Variants in GDA observed in about 807,000 individuals in gnomAD.
GDA encodes cytoplasmic PSD-95 interactor.
GDA carries 18 observed loss-of-function variants against 59.6 expected under a neutral mutation model. The ratio of observed to expected loss-of-function variants is 0.30; its 90% confidence interval spans 0.21 to 0.45. The LOEUF is 0.45. Among genes scored for constraint, GDA ranks in the 20% least tolerant of loss-of-function variants. The pLI is 1.00. For missense variants in GDA, 427 were observed against 552.3 expected (o/e 0.77, Z 2.27); for synonymous variants, 201 against 201.1 (o/e 1.00, Z 0.00).
At chr9:72,255,276 AG>A (rs1840858169), downstream of GDA, among the ~76,000 whole-genome samples, 1 of 152,210 alleles carries the variant, frequency 6.6e-6, no homozygotes. Flanking sequence ...TTTCTAGCAA[AG>A]GGGTAGTAAC....
intron 1 of GDA, among the ~76,000 whole-genome samples, chr9:72,125,192 C>T (rs1193858187): frequency 6.6e-6 from 1 of 152,174 alleles, no homozygotes; most frequent in Non-Finnish European, 1.5e-5. Context: ...GTGCAAACTG[C>T]AGTCTTGCCT....
At chr9:72,198,846 G>GATATACATATATATATATATATATATAT (rs1833549516) in intron 2 of GDA, among the ~76,000 whole-genome samples, 1 of 128,574 alleles carries the variant, frequency 7.8e-6, no homozygotes, top group Non-Finnish European at 1.5e-5. Context: ...TATATAGGGG[G>GATATACATATATATATATATATATATAT]ATATATATAT....
chr9:72,237,210 C>T (rs1295866426), intron 10 of GDA, among the ~76,000 whole-genome samples: 1 of 152,178 alleles, frequency 6.6e-6, no homozygotes, highest in Non-Finnish European at 1.5e-5. Context: ...TCCCTTCCTC[C>T]ACCAACTTCA....
intron 3 of GDA, among the ~76,000 whole-genome samples, chr9:72,208,693 T>C (rs1835015045): frequency 6.6e-6 from 1 of 152,194 alleles, no homozygotes; most frequent in African/African-American, 2.4e-5. Flanking sequence ...TTCAAGTCCT[T>C]CGGTACTTAA....
chr9:72,229,810 A>G (rs1838111559), intron 9 of GDA, among the ~76,000 whole-genome samples: 1 of 152,170 alleles, frequency 6.6e-6, no homozygotes, highest in Non-Finnish European at 1.5e-5. Flanking sequence ...CCACAGTGAC[A>G]TATTTCTGGA....
At chr9:72,205,047 G>A (rs775390027) in intron 3 of GDA, among the ~76,000 whole-genome samples, 3 of 142,178 alleles carry the variant, frequency 2.1e-5, no homozygotes, top group Non-Finnish European at 4.5e-5. Flanking sequence ...GGAGGAGGAG[G>A]TTGTAGTGAG....
chr9:72,124,816 G>A (rs1387050195), intron 1 of GDA, among the ~76,000 whole-genome samples: 2 of 152,114 alleles, frequency 1.3e-5, no homozygotes, highest in African/African-American at 4.8e-5. Flanking sequence ...CACCATGGTG[G>A]TCAGGCTGGT....
intron 6 of GDA, among the ~76,000 whole-genome samples, chr9:72,220,810 G>C (rs547543037): frequency 2.0e-5 from 3 of 152,244 alleles, no homozygotes; most frequent in Non-Finnish European, 4.4e-5. Flanking sequence ...TGGCTGTCTT[G>C]GTCCCTATGT....
At chr9:72,182,208 T>A (rs930999599) in intron 1 of GDA, among the ~76,000 whole-genome samples, 3 of 152,290 alleles carry the variant, frequency 2.0e-5, no homozygotes, top group Admixed American at 2.0e-4. Context: ...CCATTCAAAC[T>A]TTGCCCACTG....
upstream of GDA, among the ~76,000 whole-genome samples, chr9:72,149,118 T>TG (rs773687468): frequency 9.9e-5 from 15 of 152,194 alleles, no homozygotes; most frequent in Non-Finnish European, 1.5e-4. Flanking sequence ...CACCTGTGCC[T>TG]GAACTAATGC....
chr9:72,121,041 G>A (rs886325878), intron 1 of GDA, among the ~76,000 whole-genome samples: 8 of 152,094 alleles, frequency 5.3e-5, no homozygotes, highest in East Asian at 3.9e-4. Context: ...AACCACAGGC[G>A]TTTCAATACC....
At chr9:72,195,637 A>C (rs1203141587) in intron 2 of GDA, 49 bp downstream of exon 2, 1 of 739,786 alleles carries the variant, frequency 1.4e-6, no homozygotes, top group African/African-American at 1.8e-5. Flanking sequence ...ATAAGCTTAA[A>C]TTATAGAAAA....
intron 1 of GDA, among the ~76,000 whole-genome samples, chr9:72,173,203 A>T (rs1363148277): frequency 6.6e-6 from 1 of 152,148 alleles, no homozygotes; most frequent in Admixed American, 6.5e-5. Flanking sequence ...TTGCTTTTCC[A>T]GTTTCTAGAG....
At chr9:72,245,074 G>A (rs1037549018) in intron 11 of GDA, 74 bp from the exon 12 acceptor site, 1 of 1,436,436 alleles carries the variant, frequency 7.0e-7, no homozygotes, top group African/African-American at 1.4e-5. Context: ...GGCAAAATCT[G>A]TCCTTACAAA....
At chr9:72,150,207 T>G (rs891742002) in intron 1 of GDA, among the ~76,000 whole-genome samples, 2 of 152,112 alleles carry the variant, frequency 1.3e-5, no homozygotes, top group Non-Finnish European at 2.9e-5. Flanking sequence ...TCAACAGAGA[T>G]AATATACTAA....
intron 7 of GDA, among the ~76,000 whole-genome samples, chr9:72,224,254 C>T (rs1276186528): frequency 2.0e-5 from 3 of 152,148 alleles, no homozygotes; most frequent in African/African-American, 4.8e-5. Context: ...TGCACATTTA[C>T]TCACATTTAT....
intron 1 of GDA, among the ~76,000 whole-genome samples, chr9:72,192,262 C>G (rs1478037088): frequency 5.3e-5 from 5 of 94,674 alleles, no homozygotes; most frequent in African/African-American, 2.1e-4. Flanking sequence ...GAGAACGAGT[C>G]TCACTCTGTT....
At chr9:72,200,648 C>T (rs929245731) in intron 2 of GDA, among the ~76,000 whole-genome samples, 1 of 152,126 alleles carries the variant, frequency 6.6e-6, no homozygotes, top group African/African-American at 2.4e-5. Flanking sequence ...AGTTACACTG[C>T]TATTCCGTTT....
Position 72,169,687 on chromosome 9 carries a change from T to C in GDA, c.123+20005T>C, listed in dbSNP as rs145486445. Among the ~76,000 whole-genome samples, 381 of 152,328 alleles carry C rather than the reference T, an allele frequency of 2.5e-3. 1 individual carries two copies. The highest frequency in any genetic ancestry group is 8.1e-3 in the African/African-American group (338 of 41,560). ...CAGGCACAAAGTCTTGGAAGTTCTGTTGGGCAGAAACAAACTGGACCAACA... is the reference window on the plus strand; with the variant it reads ...CAGGCACAAAGTCTTGGAAGTTCTGCTGGGCAGAAACAAACTGGACCAACA... On this transcript the variant is annotated intron_variant, in intron 1 of 13. Transcript: ENST00000358399.
Sources: allele counts gnomAD v4.1 joint callset (sites outside exome capture counted in the v4.1 genomes callset), GRCh38; gene constraint gnomAD v4.1.1; transcripts MANE v1.5; gene names NCBI Gene and HGNC (gene_info 2026-07-23, HGNC 2026-07-21).